Variants in AGPS observed in about 807,000 individuals in gnomAD.
AGPS encodes alkyldihydroxyacetonephosphate synthase, peroxisomal.
In AGPS, 26 loss-of-function variants were observed where a neutral mutation model predicts 90.7. The ratio of observed to expected loss-of-function variants is 0.29; its 90% CI spans 0.21 to 0.40. AGPS has a LOEUF of 0.40. Ranked by LOEUF, AGPS falls within the 10% of genes least tolerant of loss-of-function variation. AGPS has a pLI of 1.00. For missense variants in AGPS, 540 were observed against 816.1 expected (o/e 0.66, Z 4.12); for synonymous variants, 294 against 285.3 (o/e 1.03, Z -0.31).
intron 14 of AGPS, among the ~76,000 whole-genome samples, chr2:177,502,513 C>T (rs567476538): frequency 1.3e-5 from 2 of 149,350 alleles, no homozygotes; most frequent in East Asian, 4.0e-4. Context: ...CCTCCCTGGG[C>T]TCAAAGGATC....
At chr2:177,468,332 A>T (rs893862949) in intron 9 of AGPS, 84 bp from the exon 10 acceptor site, 1 of 760,416 alleles carries the variant, frequency 1.3e-6, no homozygotes, top group Non-Finnish European at 2.2e-6. Context: ...AGTAGGTTTT[A>T]CATAAATATA....
intron 10 of AGPS, 92 bp downstream of exon 10, chr2:177,468,616 GAC>G: frequency 1.1e-6 from 1 of 915,506 alleles, no homozygotes; most frequent in Non-Finnish European, 1.8e-6. Context: ...ATCTTTGAAA[GAC>G]ATGTTTTATA....
intron 12 of AGPS, among the ~76,000 whole-genome samples, chr2:177,496,372 C>T (rs1688413450): frequency 6.6e-6 from 1 of 151,980 alleles, no homozygotes; most frequent in Non-Finnish European, 1.5e-5. Flanking sequence ...GGATGAGTTC[C>T]ATTTGGGACC....
intron 10 of AGPS, among the ~76,000 whole-genome samples, chr2:177,480,914 T>C (rs939321209): frequency 6.6e-6 from 1 of 152,072 alleles, no homozygotes; most frequent in African/African-American, 2.4e-5. Flanking sequence ...TATTAAAATA[T>C]TTATCAAGCC....
intron 2 of AGPS, among the ~76,000 whole-genome samples, chr2:177,425,651 C>T (rs559658463): frequency 6.8e-4 from 95 of 140,606 alleles, no homozygotes; most frequent in Middle Eastern, 4.0e-3. Context: ...AAAAGGAAAT[C>T]CTTTCCCCAT....
At chr2:177,442,085 A>G (rs931472154) in intron 6 of AGPS, among the ~76,000 whole-genome samples, 17 of 152,216 alleles carry the variant, frequency 1.1e-4, no homozygotes, top group Non-Finnish European at 2.2e-4. Context: ...CATGGTAATT[A>G]TCTGCTTAGA....
chr2:177,498,209 G>A (rs1688464139), intron 13 of AGPS, among the ~76,000 whole-genome samples: 1 of 151,624 alleles, frequency 6.6e-6, no homozygotes, highest in Non-Finnish European at 1.5e-5. Flanking sequence ...TTTACCAGGG[G>A]GAAAACAGTA....
At chr2:177,528,849 C>T (rs1326927834) in intron 19 of AGPS, among the ~76,000 whole-genome samples, 2 of 79,142 alleles carry the variant, frequency 2.5e-5, no homozygotes, top group Non-Finnish European at 4.4e-5. Context: ...CATATTAATC[C>T]TTTTTTTTTT....
At chr2:177,465,480 G>T (rs113442028) in intron 9 of AGPS, among the ~76,000 whole-genome samples, 2 of 152,236 alleles carry the variant, frequency 1.3e-5, no homozygotes, top group Non-Finnish European at 2.9e-5. Context: ...GGCCTGGCAG[G>T]CTGTGCTTGG....
At chr2:177,537,750 C>T (rs1344105296) in intron 19 of AGPS, among the ~76,000 whole-genome samples, 1 of 151,986 alleles carries the variant, frequency 6.6e-6, no homozygotes, top group Non-Finnish European at 1.5e-5. Flanking sequence ...GTAGTTAAGG[C>T]AGAGGTGGGT....
chr2:177,437,066 C>G lies in AGPS; in HGVS notation c.637+12C>G. The G allele has an allele frequency of 6.2e-7, 1 of 1,611,094 alleles. No homozygotes were observed. Among genetic ancestry groups the G allele is most frequent in the African/African-American group, 1.3e-5 (1 of 74,912 alleles). On this transcript the variant is annotated intron_variant, in intron 5 of 19. Coordinates refer to ENST00000264167, the MANE Select transcript of AGPS (RefSeq NM_003659.4). ...AGTTTTATGGCCAAGTAAGTTTTCC[C>G]CTCCTCGTATCATTAATTTAGTATT... is the stretch of plus-strand genomic sequence containing the variant.
In AGPS at chr2:177,419,442, A is replaced by G. The variant is rs746972267; in HGVS notation, c.261-827A>G. On this transcript the variant is annotated intron_variant, in intron 1 of 19. Coordinates refer to ENST00000264167, the MANE Select transcript of AGPS (RefSeq NM_003659.4). ...GTAGCCAAGATCAAACTAGGGTACTATGCCAAAACATGTAATAAAAAGTGA... is the reference window on the plus strand; with the variant it reads ...GTAGCCAAGATCAAACTAGGGTACTGTGCCAAAACATGTAATAAAAAGTGA... 2.6e-5 allele frequency among the ~76,000 whole-genome samples: 4 copies of G among 151,878 alleles called. 1 individual carries two copies. The highest frequency in any genetic ancestry group is 5.9e-5 in the Non-Finnish European group (4 of 67,740).
At chr2:177,422,681 A>G (rs1337627377) in intron 2 of AGPS, among the ~76,000 whole-genome samples, 2 of 152,248 alleles carry the variant, frequency 1.3e-5, no homozygotes, top group African/African-American at 4.8e-5. Context: ...TATACTAAAC[A>G]AACAATAACT....
rs529361008 is a variant in AGPS, at chr2:177,446,276, C to T, written c.870+650C>T. ...TCATGCCATTCTCCTGCCTCAGCCTCCCCAGTAGCTGGGACTACAGGCACC... is the reference window on the plus strand; with the variant it reads ...TCATGCCATTCTCCTGCCTCAGCCTTCCCAGTAGCTGGGACTACAGGCACC... On this transcript the variant is annotated intron_variant, in intron 8 of 19. Coordinates refer to ENST00000264167, the MANE Select transcript of AGPS (RefSeq NM_003659.4). Among the ~76,000 whole-genome samples, 11 of 152,208 alleles carry T rather than the reference C, an allele frequency of 7.2e-5. No homozygotes were observed. In the East Asian group the frequency reaches 1.7e-3, roughly 24 times the overall value.
chr2:177,472,081 G>C (rs10194452), intron 10 of AGPS, among the ~76,000 whole-genome samples: 2 of 151,356 alleles, frequency 1.3e-5, no homozygotes, highest in African/African-American at 4.8e-5. Flanking sequence ...TTATTTCTGT[G>C]AAGTTTTTTT....
At chr2:177,465,864 GC>G (rs1269861613) in intron 9 of AGPS, among the ~76,000 whole-genome samples, 1 of 152,232 alleles carries the variant, frequency 6.6e-6, no homozygotes, top group African/African-American at 2.4e-5. Flanking sequence ...CCTCCATGGG[GC>G]AAACAAGGGG....
intron 11 of AGPS, among the ~76,000 whole-genome samples, chr2:177,483,653 T>A (rs1307535787): frequency 1.3e-5 from 2 of 152,180 alleles, no homozygotes; most frequent in African/African-American, 4.8e-5. Flanking sequence ...CCTAATTCAC[T>A]AGAACTTTGG....
chr2:177,404,943 AT>A (rs1229289583), intron 1 of AGPS, among the ~76,000 whole-genome samples: 1 of 152,168 alleles, frequency 6.6e-6, no homozygotes, highest in Non-Finnish European at 1.5e-5. Context: ...AATGAGGGAT[AT>A]TTGTTATAAG....
chr2:177,394,685 G>C (rs1470562843), intron 1 of AGPS, among the ~76,000 whole-genome samples: 4 of 152,222 alleles, frequency 2.6e-5, no homozygotes, highest in Non-Finnish European at 5.9e-5. Flanking sequence ...ACAGCTCTAT[G>C]ATCTTGGGCA....
Sources: allele counts gnomAD v4.1 joint callset (sites outside exome capture counted in the v4.1 genomes callset), GRCh38; gene constraint gnomAD v4.1.1; transcripts MANE v1.5; gene names NCBI Gene and HGNC (gene_info 2026-07-23, HGNC 2026-07-21).